Variants in KIFAP3 observed in about 807,000 individuals in gnomAD.
The protein encoded by KIFAP3 is kinesin associated protein 3, also known as kinesin-associated protein 3.
KIFAP3 carries 68 observed loss-of-function variants against 106.5 expected under a neutral mutation model. The observed-to-expected ratio is 0.64, with a 90% confidence interval of 0.53 to 0.78. The LOEUF (loss-of-function observed/expected upper bound fraction) is 0.78, where lower values mean the gene tolerates loss of function less well. KIFAP3 is among the 30% of genes least tolerant of loss of function. KIFAP3 has a pLI of 0.00. For missense variants in KIFAP3, 780 were observed against 941.8 expected, an observed-to-expected ratio of 0.83 and a Z score of 2.25; for synonymous variants, 320 against 311.5, an observed-to-expected ratio of 1.03 and a Z score of -0.29.
At chr1:169,944,856 T>A (rs149497395) in intron 19 of KIFAP3, among the ~76,000 whole-genome samples, 25 of 152,270 alleles carry the variant, frequency 1.6e-4, no homozygotes, top group African/African-American at 3.4e-4. Context: ...GCATGCTGAT[T>A]GGTCCATGGC....
chr1:169,931,874 T>C (rs1237545245), intron 19 of KIFAP3, among the ~76,000 whole-genome samples: 4 of 152,204 alleles, frequency 2.6e-5, no homozygotes, highest in Non-Finnish European at 5.9e-5. Flanking sequence ...TACTATGTAA[T>C]GCTAACCTTA....
chr1:169,933,233 A>C (rs1338817123), intron 19 of KIFAP3, among the ~76,000 whole-genome samples: 1 of 152,012 alleles, frequency 6.6e-6, no homozygotes, highest in African/African-American at 2.4e-5. Context: ...GATGTTTTGC[A>C]GCCATTAGTT....
At chr1:170,067,946 G>C (rs985824219) in intron 1 of KIFAP3, 1 of 152,122 alleles carries the variant, frequency 6.6e-6, no homozygotes, top group Non-Finnish European at 1.5e-5. Context: ...GAAAAAACCT[G>C]GGAAGATCAT....
At chr1:170,027,044 G>C (rs1160850662) in intron 8 of KIFAP3, among the ~76,000 whole-genome samples, 9 of 107,742 alleles carry the variant, frequency 8.4e-5, no homozygotes, top group Non-Finnish European at 1.4e-4. Flanking sequence ...TTTTGAGACA[G>C]AGTTTTGCTC....
At chr1:170,071,836 ATAT>A (rs2102178185) in intron 1 of KIFAP3, among the ~76,000 whole-genome samples, 1 of 152,336 alleles carries the variant, frequency 6.6e-6, no homozygotes, top group South Asian at 2.1e-4. Context: ...ACCACAGCAA[ATAT>A]TATGCAGCTA....
intron 19 of KIFAP3, among the ~76,000 whole-genome samples, chr1:169,942,114 A>G (rs1165502884): frequency 6.6e-6 from 1 of 152,222 alleles, no homozygotes; most frequent in East Asian, 1.9e-4. Flanking sequence ...AAATTCCCTT[A>G]AATTTCCTTA....
intron 17 of KIFAP3, among the ~76,000 whole-genome samples, chr1:169,965,655 T>G (rs1665571752): frequency 6.6e-6 from 1 of 151,986 alleles, no homozygotes; most frequent in African/African-American, 2.4e-5. Context: ...ATAACAAAAA[T>G]ATATCTAATA....
At chr1:169,932,853 C>G (rs976139577) in intron 19 of KIFAP3, among the ~76,000 whole-genome samples, 3 of 151,898 alleles carry the variant, frequency 2.0e-5, no homozygotes, top group Non-Finnish European at 2.9e-5. Flanking sequence ...TCCTGAAAAT[C>G]TTATCAAATG....
intron 8 of KIFAP3, among the ~76,000 whole-genome samples, chr1:170,031,165 G>A (rs1669389274): frequency 6.6e-6 from 1 of 151,700 alleles, no homozygotes; most frequent in South Asian, 2.1e-4. Flanking sequence ...ATTTTAAAAT[G>A]AACCTTTGAA....
intron 19 of KIFAP3, among the ~76,000 whole-genome samples, chr1:169,926,249 C>T (rs1216250384): frequency 6.6e-6 from 1 of 152,122 alleles, no homozygotes; most frequent in Admixed American, 6.6e-5. Context: ...TTAGAATTAC[C>T]CTCTGAAACC....
chr1:170,028,379 C>A (rs544110848), intron 8 of KIFAP3, among the ~76,000 whole-genome samples: 178 of 152,140 alleles, frequency 1.2e-3, no homozygotes, highest in Non-Finnish European at 1.9e-3. Context: ...CGCTCTGTCA[C>A]CTGACTGGAG....
chr1:169,947,785 T>C (rs1448092044), intron 19 of KIFAP3, among the ~76,000 whole-genome samples: 1 of 151,826 alleles, frequency 6.6e-6, no homozygotes, highest in African/African-American at 2.4e-5. Context: ...GAATAAAATT[T>C]TTATAAAAAA....
Position 170,018,599 on chromosome 1 carries a change from TTGATTATTTAATCAAAGGATTTA to T in KIFAP3, c.1021-1998_1021-1976del, listed in dbSNP as rs566040420. Among the ~76,000 whole-genome samples, 1,120 of 123,274 alleles carry T rather than the reference TTGATTATTTAATCAAAGGATTTA, an allele frequency of 9.1e-3. 16 individuals are homozygous for T. The highest frequency in any genetic ancestry group is 0.028 in the African/African-American group (1,019 of 36,612). 80.9% of individuals were successfully genotyped at this position (123,274 alleles called of 152,430 possible). On this transcript the variant is annotated intron_variant, in intron 9 of 19. Coordinates refer to ENST00000361580, the MANE Select transcript of KIFAP3 (RefSeq NM_014970.4). Reference sequence around the variant, plus strand: ...ATTTAATCAAAGGATTATTAATCCTTTGATTATTTAATCAAAGGATTTATGATTAATCTTGCTCTACTTTTTCT... The same window carrying T: ...ATTTAATCAAAGGATTATTAATCCTTTGATTAATCTTGCTCTACTTTTTCT...
chr1:169,994,001 A>C (rs569517835), intron 10 of KIFAP3, among the ~76,000 whole-genome samples: 6 of 152,344 alleles, frequency 3.9e-5, no homozygotes, highest in African/African-American at 1.4e-4. Context: ...GACTTTATTC[A>C]CTGCATTATC....
At chr1:170,053,838 T>G (rs12131429) in intron 2 of KIFAP3, among the ~76,000 whole-genome samples, 25,097 of 152,156 alleles carry the variant, frequency 0.16, 2,242 homozygotes, top group Middle Eastern at 0.22. Context: ...ATCCAAATGT[T>G]AACCCAAGAT....
At chr1:170,034,323 C>T (rs1056312246) in intron 7 of KIFAP3, 49 bp downstream of exon 7, 2 of 1,561,520 alleles carry the variant, frequency 1.3e-6, no homozygotes, top group African/African-American at 2.8e-5. Context: ...CCATCCAAAA[C>T]TTAAAGCAAA....
chr1:169,939,666 A>T (rs1305631234), intron 19 of KIFAP3, among the ~76,000 whole-genome samples: 2 of 152,182 alleles, frequency 1.3e-5, no homozygotes, highest in African/African-American at 4.8e-5. Context: ...AGTAACCAGC[A>T]TTTAAATGTG....
At chr1:170,016,655 A>G (rs16862933) in intron 9 of KIFAP3, 31 bp from the exon 10 acceptor site, 385,799 of 1,370,622 alleles carry the variant, frequency 0.28, 58,134 homozygotes, top group East Asian at 0.51. Flanking sequence ...AATACAGTGA[A>G]GTTCTGTTGC....
chr1:169,962,177 A>G (rs1665375361), intron 17 of KIFAP3, among the ~76,000 whole-genome samples: 1 of 152,180 alleles, frequency 6.6e-6, no homozygotes, highest in Non-Finnish European at 1.5e-5. Context: ...CAAATTAATG[A>G]TCTTATCTTA....
Sources: allele counts gnomAD v4.1 joint callset (sites outside exome capture counted in the v4.1 genomes callset), GRCh38; gene constraint gnomAD v4.1.1; transcripts MANE v1.5; gene names NCBI Gene and HGNC (gene_info 2026-07-23, HGNC 2026-07-21).